The following SLC38A6 variants were observed in gnomAD, a reference collection of about 807,000 sequenced individuals.
The protein encoded by SLC38A6 is N system amino acid transporter NAT-1.
SLC38A6 carries 73 observed loss-of-function variants against 65.0 expected under a neutral mutation model. The ratio of observed to expected loss-of-function variants is 1.12; its 90% CI spans 0.93 to 1.37. SLC38A6 has a LOEUF of 1.37. Among genes scored for constraint, SLC38A6 ranks in the 40% most tolerant of loss-of-function variants. The pLI is 0.00. For missense variants in SLC38A6, 561 were observed against 531.1 expected, an observed-to-expected ratio of 1.06 and a Z score of -0.55; for synonymous variants, 183 against 178.8, an observed-to-expected ratio of 1.02 and a Z score of -0.19.
In SLC38A6 at chr14:61,037,638, C is replaced by T. The variant is rs1025747662; in HGVS notation, c.579C>T (p.Tyr193=). 1.3e-6 allele frequency: 2 copies of T among 1,593,528 alleles called. No individual in the cohort carries two copies. Among genetic ancestry groups the T allele is most frequent in the Non-Finnish European group, 1.7e-6 (2 of 1,167,330 alleles). The part of the protein sequence containing the change: ...ALLPKIGFLG[Y]TSSLSFFFMM... ...GTTATTTTACAGGCTTTCTTGGCTACACAAGTAGTTTATCATTTTTCTTTA... is the reference window on the plus strand; with the variant it reads ...GTTATTTTACAGGCTTTCTTGGCTATACAAGTAGTTTATCATTTTTCTTTA... The change falls in exon 8 of 16, where the codon TAC becomes TAT. Residue 193 remains tyrosine, a synonymous_variant. Transcript: ENST00000267488.
chr14:61,008,676 T>G, intron 3 of SLC38A6, among the ~76,000 whole-genome samples: 1 of 152,164 alleles, frequency 6.6e-6, no homozygotes, highest in Non-Finnish European at 1.5e-5. Flanking sequence ...ATTTTCATCT[T>G]TTCTGTGACC....
intron 3 of SLC38A6, among the ~76,000 whole-genome samples, chr14:61,004,218 G>C (rs2038916195): frequency 6.6e-6 from 1 of 152,056 alleles, no homozygotes; most frequent in South Asian, 2.1e-4. Context: ...CACAGCGAAG[G>C]TATTTGCTTG....
intron 15 of SLC38A6, among the ~76,000 whole-genome samples, chr14:61,068,286 T>C (rs1373057700): frequency 1.3e-5 from 2 of 152,188 alleles, no homozygotes; most frequent in Non-Finnish European, 2.9e-5. Context: ...TCCTGCTACC[T>C]ACAGTCCACT....
chr14:61,028,776 C>A (rs186551387), intron 5 of SLC38A6, among the ~76,000 whole-genome samples: 302 of 152,072 alleles, frequency 2.0e-3, no homozygotes, highest in African/African-American at 7.0e-3. Flanking sequence ...TTTAACTGTT[C>A]TAAATTTTAC....
intron 10 of SLC38A6, among the ~76,000 whole-genome samples, chr14:61,044,061 A>G (rs754572244): frequency 5.3e-5 from 8 of 152,132 alleles, no homozygotes; most frequent in Non-Finnish European, 1.0e-4. Flanking sequence ...AATGCCTGTA[A>G]GAGCCCCTGA....
chr14:61,015,884 A>C lies in SLC38A6; in HGVS notation c.311-20A>C. On this transcript the variant is annotated intron_variant, in intron 3 of 15. Transcript: ENST00000267488. ...TAAATAGTTTTGTGTAAAAGTGAAC[A>C]TTGTAATTTCTCTTAACAGCTGTAA... 1 of 1,592,936 alleles carries C rather than the reference A, an allele frequency of 6.3e-7. No homozygotes were observed. Among genetic ancestry groups the C allele is most frequent in the Non-Finnish European group, 8.5e-7 (1 of 1,171,550 alleles).
intron 15 of SLC38A6, among the ~76,000 whole-genome samples, chr14:61,060,917 G>A (rs186197416): frequency 4.1e-5 from 6 of 147,566 alleles, no homozygotes; most frequent in South Asian, 2.2e-4. Flanking sequence ...TCTTTGACTC[G>A]GAAAGGGAAC....
chr14:61,075,797 GTGTGTGTGT>G (rs2043386882), intron 15 of SLC38A6, among the ~76,000 whole-genome samples: 2 of 149,024 alleles, frequency 1.3e-5, no homozygotes, highest in African/African-American at 4.9e-5. Context: ...GTGTGTGTGT[GTGTGTGTGT>G]GTGTGTGTGT....
chr14:61,038,413 G>A (rs2041547973), intron 8 of SLC38A6, among the ~76,000 whole-genome samples: 1 of 151,936 alleles, frequency 6.6e-6, no homozygotes, highest in Admixed American at 6.6e-5. Flanking sequence ...TTGTATAGCA[G>A]TTTATTCCAT....
At chr14:61,035,362 C>A (rs1338928508) in intron 6 of SLC38A6, among the ~76,000 whole-genome samples, 1 of 152,074 alleles carries the variant, frequency 6.6e-6, no homozygotes, top group Non-Finnish European at 1.5e-5. Flanking sequence ...ATATCATCAT[C>A]ATTTTCCATT....
chr14:60,985,281 G>T (rs763327597), intron 3 of SLC38A6, among the ~76,000 whole-genome samples: 2 of 152,198 alleles, frequency 1.3e-5, no homozygotes, highest in Non-Finnish European at 2.9e-5. Context: ...TTAATTGCAA[G>T]TCTAGAATAG....
intron 3 of SLC38A6, among the ~76,000 whole-genome samples, chr14:60,998,833 A>G (rs1195356129): frequency 6.6e-6 from 1 of 152,160 alleles, no homozygotes; most frequent in Non-Finnish European, 1.5e-5. Flanking sequence ...AGCCGAACAG[A>G]ACAGACAAGC....
At chr14:61,031,399 A>G (rs1419004673) in intron 6 of SLC38A6, among the ~76,000 whole-genome samples, 1 of 152,134 alleles carries the variant, frequency 6.6e-6, no homozygotes, top group Non-Finnish European at 1.5e-5. Flanking sequence ...TAGCTTTTAC[A>G]TTTCAGCTTC....
chr14:61,004,757 T>G (rs1308445158), intron 3 of SLC38A6: 1 of 152,180 alleles, frequency 6.6e-6, no homozygotes, highest in African/African-American at 2.4e-5. Flanking sequence ...CTACCAGAGG[T>G]ACAAGGAGGA....
chr14:61,080,085 G>A (rs1039077920), intron 16 of SLC38A6, among the ~76,000 whole-genome samples: 16 of 152,180 alleles, frequency 1.1e-4, no homozygotes, highest in African/African-American at 3.9e-4. Context: ...TGGGCACCAT[G>A]AACAATAAGC....
chr14:61,071,823 A>C (rs930181444), intron 15 of SLC38A6, among the ~76,000 whole-genome samples: 6 of 152,250 alleles, frequency 3.9e-5, no homozygotes, highest in African/African-American at 1.4e-4. Context: ...TAATTAACCC[A>C]AAGACAGGAA....
At chr14:61,075,274 G>A (rs947640679) in intron 15 of SLC38A6, among the ~76,000 whole-genome samples, 2 of 152,190 alleles carry the variant, frequency 1.3e-5, no homozygotes, top group Non-Finnish European at 2.9e-5. Flanking sequence ...TACCTTGTGT[G>A]AACAGAATTG....
intron 15 of SLC38A6, among the ~76,000 whole-genome samples, chr14:61,070,102 G>A (rs1037062041): frequency 5.3e-5 from 8 of 152,174 alleles, no homozygotes; most frequent in Non-Finnish European, 1.2e-4. Flanking sequence ...AAACTTGTAA[G>A]TGTACGATAT....
intron 3 of SLC38A6, among the ~76,000 whole-genome samples, chr14:61,009,536 C>G (rs939288232): frequency 2.6e-5 from 4 of 151,854 alleles, no homozygotes; most frequent in African/African-American, 9.7e-5. Context: ...ATCCCTCCCC[C>G]TCCCCCACCC....
Sources: gnomAD v4.1 joint callset for allele counts (sites outside exome capture counted in the v4.1 genomes callset) on GRCh38, gnomAD v4.1.1 for gene constraint, MANE v1.5 for transcripts, NCBI Gene and HGNC (gene_info 2026-07-23, HGNC 2026-07-21) for gene names.